PHLPP1: variants seen among roughly 807,000 people sequenced by gnomAD.
The protein encoded by PHLPP1 is PH domain and leucine rich repeat protein phosphatase 1.
Under a neutral mutation model 117.2 loss-of-function variants are expected in PHLPP1, and 42 were observed. The observed-to-expected ratio is 0.36, with a 90% CI of 0.28 to 0.46. The LOEUF is 0.46. PHLPP1 is among the 20% of genes least tolerant of loss of function. The probability of loss-of-function intolerance (pLI) is 1.00; values close to 1 mark genes in which losing one functional copy is unlikely to be tolerated. For synonymous variants in PHLPP1, 1,042 were observed against 970.7 expected, an observed-to-expected ratio of 1.07 and a Z score of -1.37; for missense variants, 2,084 against 2,241.9, an observed-to-expected ratio of 0.93 and a Z score of 1.42.
At chr18:62,865,837 T>C (rs1356303044) in intron 4 of PHLPP1, among the ~76,000 whole-genome samples, 2 of 152,050 alleles carry the variant, frequency 1.3e-5, no homozygotes, top group East Asian at 3.9e-4. Flanking sequence ...GTGATGAGAA[T>C]ACATGGACAC....
At chr18:62,971,137 G>T (rs1422032814) in intron 14 of PHLPP1, among the ~76,000 whole-genome samples, 2 of 152,072 alleles carry the variant, frequency 1.3e-5, no homozygotes, top group African/African-American at 4.8e-5. Context: ...TCCCGCCTTT[G>T]TTCCTGGTTT....
chr18:62,881,867 C>T (rs371589162), intron 4 of PHLPP1, among the ~76,000 whole-genome samples: 1 of 152,280 alleles, frequency 6.6e-6, no homozygotes, highest in East Asian at 1.9e-4. Context: ...GGGGTGTGGA[C>T]AACAGTGTGA....
At chr18:62,843,609 C>G (rs1568135196) in intron 3 of PHLPP1, among the ~76,000 whole-genome samples, 1 of 152,180 alleles carries the variant, frequency 6.6e-6, no homozygotes, top group African/African-American at 2.4e-5. Flanking sequence ...GTGGTAGACA[C>G]TGTGGGAGAG....
intron 10 of PHLPP1, among the ~76,000 whole-genome samples, chr18:62,930,751 A>G (rs553763681): frequency 6.6e-6 from 1 of 152,324 alleles, no homozygotes; most frequent in South Asian, 2.1e-4. Flanking sequence ...CTTCTTATCT[A>G]TGCACAGAAC....
At chr18:62,900,962 C>G (rs576781973) in intron 6 of PHLPP1, among the ~76,000 whole-genome samples, 2 of 152,248 alleles carry the variant, frequency 1.3e-5, no homozygotes, top group African/African-American at 4.8e-5. Context: ...AACGGTTCAT[C>G]CTAAGTAGCT....
Position 62,753,776 on chromosome 18 carries a change from T to G in PHLPP1, c.1576+36517T>G, listed in dbSNP as rs1911929290. 4.6e-5 allele frequency among the ~76,000 whole-genome samples: 7 copies of G among 152,288 alleles called. No homozygotes were observed. In the South Asian group the frequency reaches 1.0e-3, roughly 23 times the overall value. On this transcript the variant is annotated intron_variant, in intron 1 of 16. Transcript: ENST00000262719. ...TAATAAAAGTATAATTTCCCTAAGA[T>G]TATGACTTTTTAAAGTTTGCAGTTT...
chr18:62,915,680 G>A (rs1786255902), intron 9 of PHLPP1, among the ~76,000 whole-genome samples: 1 of 152,216 alleles, frequency 6.6e-6, no homozygotes, highest in Non-Finnish European at 1.5e-5. Flanking sequence ...TTAGTGACTA[G>A]CCATGCAGTT....
At chr18:62,723,941 G>GT (rs749050404) in intron 1 of PHLPP1, among the ~76,000 whole-genome samples, 39 of 151,910 alleles carry the variant, frequency 2.6e-4, no homozygotes, top group Non-Finnish European at 4.3e-4. Context: ...TAGAGAGCCT[G>GT]TTTTTTTTGA....
chr18:62,903,210 G>T, intron 7 of PHLPP1, 44 bp downstream of exon 7: 1 of 1,266,832 alleles, frequency 7.9e-7, no homozygotes. Flanking sequence ...TTGGTTCCAG[G>T]AATTTACCCA....
chr18:62,793,192 A>G (rs1913513805), intron 1 of PHLPP1, among the ~76,000 whole-genome samples: 2 of 152,188 alleles, frequency 1.3e-5, no homozygotes, highest in African/African-American at 4.8e-5. Context: ...AAAACAAAAA[A>G]CAAAACCTGT....
intron 4 of PHLPP1, among the ~76,000 whole-genome samples, chr18:62,870,742 GC>G (rs1259690170): frequency 6.6e-6 from 1 of 152,118 alleles, no homozygotes; most frequent in African/African-American, 2.4e-5. Flanking sequence ...TAACAAATGA[GC>G]TATTTTCACA....
At chr18:62,770,373 G>C (rs575889416) in intron 1 of PHLPP1, among the ~76,000 whole-genome samples, 1 of 152,316 alleles carries the variant, frequency 6.6e-6, no homozygotes, top group African/African-American at 2.4e-5. Context: ...GCCTCCCAAA[G>C]TGCTGGGATT....
intron 6 of PHLPP1, among the ~76,000 whole-genome samples, chr18:62,900,025 A>G (rs1916671394): frequency 6.6e-6 from 1 of 152,086 alleles, no homozygotes; most frequent in South Asian, 2.1e-4. Context: ...GGCCAGGTGC[A>G]GTGGCTCCTG....
chr18:62,768,358 A>G (rs1220001774), intron 1 of PHLPP1, among the ~76,000 whole-genome samples: 6 of 152,218 alleles, frequency 3.9e-5, no homozygotes, highest in Non-Finnish European at 5.9e-5. Flanking sequence ...GGAACCAGAC[A>G]TGACCTGTGA....
intron 1 of PHLPP1, among the ~76,000 whole-genome samples, chr18:62,816,689 AGTTT>A (rs1288671532): frequency 1.3e-5 from 2 of 149,764 alleles, no homozygotes; most frequent in African/African-American, 2.6e-5. Flanking sequence ...AAATGGTTGT[AGTTT>A]GTTTTAGTTT....
chr18:62,737,717 G>A (rs138831454), intron 1 of PHLPP1, among the ~76,000 whole-genome samples: 171 of 152,250 alleles, frequency 1.1e-3, no homozygotes, highest in African/African-American at 3.9e-3. Flanking sequence ...TGATAGGGTC[G>A]GTGGGAGATG....
At chr18:62,874,552 G>A (rs915852057) in intron 4 of PHLPP1, among the ~76,000 whole-genome samples, 1 of 152,126 alleles carries the variant, frequency 6.6e-6, no homozygotes, top group Non-Finnish European at 1.5e-5. Context: ...AGTTTTTCCA[G>A]TTCAGGTTGC....
chr18:62,942,057 T>A, intron 11 of PHLPP1, 139 bp downstream of exon 11: 1 of 646,688 alleles, frequency 1.5e-6, no homozygotes. Context: ...GTTTCCTTTA[T>A]GTAAGCTATG....
At chr18:62,913,414 G>A (rs944628420) in intron 8 of PHLPP1, among the ~76,000 whole-genome samples, 17 of 152,052 alleles carry the variant, frequency 1.1e-4, no homozygotes, top group Non-Finnish European at 4.4e-5. Flanking sequence ...TAATTGAGGA[G>A]TAGATATAAT....
Sources: allele counts gnomAD v4.1 joint callset (sites outside exome capture counted in the v4.1 genomes callset), GRCh38; gene constraint gnomAD v4.1.1; transcripts MANE v1.5; gene names NCBI Gene and HGNC (gene_info 2026-07-23, HGNC 2026-07-21).